MTMR2: variants seen among roughly 807,000 people sequenced by gnomAD.
The protein encoded by MTMR2 is myotubularin related protein 2, also known as phosphatidylinositol-3,5-bisphosphate 3-phosphatase MTMR2.
Under a neutral mutation model 86.9 loss-of-function variants are expected in MTMR2, and 55 were observed. The ratio of observed to expected loss-of-function variants is 0.63; its 90% CI spans 0.51 to 0.79. MTMR2 has a LOEUF of 0.79. Ranked by LOEUF, MTMR2 falls within the 30% of genes least tolerant of loss-of-function variation. The pLI is 0.00. For missense variants in MTMR2, 659 were observed against 772.3 expected (o/e 0.85, Z 1.74); for synonymous variants, 241 against 266.8 (o/e 0.90, Z 0.94).
In MTMR2 at chr11:95,861,992, C is replaced by T; in HGVS notation, c.468G>A (p.Lys156=). The T allele has an allele frequency of 1.2e-6, 2 of 1,601,908 alleles. No individual in the cohort carries two copies. Among genetic ancestry groups the T allele is most frequent in the Non-Finnish European group, 1.7e-6 (2 of 1,169,094 alleles). The change falls in exon 5 of 15, where the codon AAG becomes AAA. Residue 156 remains lysine (K), a splice_region_variant and synonymous_variant. Transcript: ENST00000346299. ...ENSYGLETVC[K]DIRNLRFAHK... ...ATCACATACATATTATAACATTTAC[C>T]TTACACACAGTTTCTAGTCCATAAG...
At chr11:95,850,844 C>G in intron 7 of MTMR2, 95 bp from the exon 8 acceptor site, 1 of 1,133,492 alleles carries the variant, frequency 8.8e-7, no homozygotes. Context: ...TCTCTGACCT[C>G]TACTATCCAT....
intron 1 of MTMR2, among the ~76,000 whole-genome samples, chr11:95,894,486 C>T (rs1424806580): frequency 1.3e-5 from 2 of 152,072 alleles, no homozygotes; most frequent in African/African-American, 4.8e-5. Context: ...AGGTTAGTTA[C>T]ATAAATAAAA....
chr11:95,862,890 C>T (rs908380964), intron 3 of MTMR2, among the ~76,000 whole-genome samples: 1 of 152,128 alleles, frequency 6.6e-6, no homozygotes, highest in Admixed American at 6.6e-5. Context: ...AAATGACACA[C>T]ATTTAAAATA....
intron 2 of MTMR2, among the ~76,000 whole-genome samples, chr11:95,878,290 A>G (rs1865197242): frequency 6.6e-6 from 1 of 150,444 alleles, no homozygotes; most frequent in Non-Finnish European, 1.5e-5. Context: ...GTTCAGGGAG[A>G]GGGGAAAATG....
intron 1 of MTMR2, among the ~76,000 whole-genome samples, chr11:95,904,689 C>A (rs1414636566): frequency 6.6e-6 from 1 of 152,170 alleles, no homozygotes; most frequent in Non-Finnish European, 1.5e-5. Context: ...AAGAAATAAC[C>A]ATAAAAATGG....
chr11:95,876,909 G>C (rs1038638216), intron 2 of MTMR2, among the ~76,000 whole-genome samples: 1 of 151,898 alleles, frequency 6.6e-6, no homozygotes, highest in African/African-American at 2.4e-5. Context: ...CTATAAACTC[G>C]ATCTAGAAGT....
rs1407244161 is a variant in MTMR2, at chr11:95,862,341, T to C, written c.288A>G (p.Pro96=). ...GAGTTCCTCGTACAGCGCCAGTGAA[T>C]GGACATATATAAGTTACATCTTTGG... ...DMAKDVTYIC[P]FTGAVRGTLT... Residue 96 remains proline (P), a synonymous_variant, in exon 4 of 15, where the codon CCA becomes CCG. Transcript: ENST00000346299. 6.2e-7 allele frequency: 1 copy of C among 1,614,072 alleles called. No homozygotes were observed. The highest frequency in any genetic ancestry group is 1.7e-5 in the Admixed American group (1 of 60,024).
In MTMR2 at chr11:95,923,928, ACT is replaced by A. The variant is rs1591060788; in HGVS notation, c.25_26del (p.Leu10TrpfsTer50). On this transcript the variant is annotated frameshift_variant, in exon 1 of 15. Coordinates refer to ENST00000346299, the MANE Select transcript of MTMR2 (RefSeq NM_016156.6). LOFTEE classifies it high-confidence loss of function. Reference sequence around the variant, plus strand: ...GAGCCGCCGCCGGCTGGGAGCCAAGACTCTCGCAGCTCGAGCTCTTCTCCATC... The same window carrying A: ...GAGCCGCCGCCGGCTGGGAGCCAAGACTCGCAGCTCGAGCTCTTCTCCATC... Reference protein sequence around the residue: MEKSSSCESLGSQPAAARP... With the variant: MEKSSSCEXLGSQPAAARP... The A allele has an allele frequency of 6.4e-7, 1 of 1,561,456 alleles. No homozygotes were observed. The highest frequency in any genetic ancestry group is 1.9e-5 in the Admixed American group (1 of 52,742).
chr11:95,870,868 T>A (rs1414848111), intron 2 of MTMR2, among the ~76,000 whole-genome samples: 1 of 151,986 alleles, frequency 6.6e-6, no homozygotes, highest in African/African-American at 2.4e-5. Context: ...GTATATCTCC[T>A]AATGCTATCC....
chr11:95,923,671 A>G, intron 1 of MTMR2: 1 of 1,425,452 alleles, frequency 7.0e-7, no homozygotes, highest in Non-Finnish European at 9.2e-7. Context: ...AGGAATCGAT[A>G]AAGAAGCAGC....
intron 9 of MTMR2, among the ~76,000 whole-genome samples, chr11:95,849,354 G>C (rs1210485148): frequency 6.6e-6 from 1 of 152,008 alleles, no homozygotes; most frequent in Non-Finnish European, 1.5e-5. Flanking sequence ...GTCAACTTTG[G>C]AGAAGTGGGA....
intron 3 of MTMR2, among the ~76,000 whole-genome samples, chr11:95,863,058 G>T (rs1008011184): frequency 6.6e-6 from 1 of 152,172 alleles, no homozygotes; most frequent in African/African-American, 2.4e-5. Flanking sequence ...AACTGATTAT[G>T]CAGGATAACT....
At chr11:95,850,829 C>T in intron 7 of MTMR2, 80 bp from the exon 8 acceptor site, 1 of 1,353,458 alleles carries the variant, frequency 7.4e-7, no homozygotes. Flanking sequence ...CCATCCTGTT[C>T]AATCTCTCTG....
chr11:95,858,615 T>C lies in MTMR2; in HGVS notation c.486A>G (p.Arg162=). The C allele has an allele frequency of 1.2e-6, 2 of 1,609,974 alleles. No individual in the cohort carries two copies. The highest frequency in any genetic ancestry group is 1.7e-6 in the Non-Finnish European group (2 of 1,176,586). ...ETVCKDIRNL[R]FAHKPEGRTR... ...TCCGCCCCTCAGGTTTATGAGCAAA[T>C]CGTAAATTCCTAATATCCTAGAAAA... The change falls in exon 6 of 15, where the codon CGA becomes CGG. Residue 162 remains arginine, a synonymous_variant. Transcript: ENST00000346299.
chr11:95,868,467 A>G (rs1398008055), intron 2 of MTMR2, among the ~76,000 whole-genome samples: 1 of 152,044 alleles, frequency 6.6e-6, no homozygotes, highest in Non-Finnish European at 1.5e-5. Flanking sequence ...TGCATTGGTT[A>G]TTCAGAAAAC....
chr11:95,916,506 A>C (rs915812033), intron 1 of MTMR2, among the ~76,000 whole-genome samples: 1 of 152,144 alleles, frequency 6.6e-6, no homozygotes, highest in Non-Finnish European at 1.5e-5. Context: ...AATGTAAGAC[A>C]ATCTGGGTCC....
chr11:95,891,368 T>G (rs1013445052), intron 1 of MTMR2, among the ~76,000 whole-genome samples: 10 of 151,878 alleles, frequency 6.6e-5, no homozygotes, highest in Admixed American at 3.9e-4. Context: ...TGAGAATCAT[T>G]TGAACCTGGC....
At chr11:95,888,700 G>T (rs565445339) in intron 1 of MTMR2, among the ~76,000 whole-genome samples, 66 of 146,422 alleles carry the variant, frequency 4.5e-4, no homozygotes, top group African/African-American at 1.7e-3. Context: ...ACTCTAAATA[G>T]AAACACATAC....
intron 12 of MTMR2, among the ~76,000 whole-genome samples, chr11:95,839,394 T>C (rs2135410968): frequency 6.6e-6 from 1 of 152,228 alleles, no homozygotes; most frequent in East Asian, 1.9e-4. Context: ...TAGCGAAATA[T>C]GAATGCATCC....
Sources: allele counts gnomAD v4.1 joint callset (sites outside exome capture counted in the v4.1 genomes callset), GRCh38; gene constraint gnomAD v4.1.1; transcripts MANE v1.5; gene names NCBI Gene and HGNC (gene_info 2026-07-23, HGNC 2026-07-21).